The following SORCS1 variants were observed in gnomAD, a reference collection of about 807,000 sequenced individuals.
SORCS1 encodes sortilin related VPS10 domain containing receptor 1, also known as VPS10 domain-containing receptor SorCS1.
Under a neutral mutation model 146.1 loss-of-function variants are expected in SORCS1, and 60 were observed. That is an observed-to-expected ratio of 0.41 (90% CI 0.33 to 0.51). SORCS1 has a LOEUF of 0.51. Among genes scored for constraint, SORCS1 ranks in the 20% least tolerant of loss-of-function variants. The pLI is 0.21. For missense variants in SORCS1, 1,352 were observed against 1,487.6 expected (o/e 0.91, Z 1.50); for synonymous variants, 637 against 584.0 (o/e 1.09, Z -1.31).
At chr10:106,674,374 A>C (rs1851867106) in intron 14 of SORCS1, among the ~76,000 whole-genome samples, 1 of 134,830 alleles carries the variant, frequency 7.4e-6, no homozygotes, top group African/African-American at 2.8e-5. Context: ...GTGGTAGGGG[A>C]GAGAATTAGC....
At chr10:106,652,319 C>A in intron 18 of SORCS1, 63 bp downstream of exon 18, 16 of 1,435,592 alleles carry the variant, frequency 1.1e-5, no homozygotes, top group East Asian at 7.3e-5. Context: ...GAAACAAAAC[C>A]ATGGTTTATT....
chr10:107,165,292 A>AGT (rs3982278), upstream of SORCS1, among the ~76,000 whole-genome samples: 48,117 of 142,566 alleles, frequency 0.34, 9,289 homozygotes, highest in Middle Eastern at 0.52. This position sits in a 1 kb window ranked among gnomAD's most constrained non-coding sequence, Gnocchi z 4.0. Flanking sequence ...CTCGTGTGTG[A>AGT]GTGTGTGTGT....
At position 106,956,534 on chromosome 10, in the gene SORCS1, A is replaced by T. The variant is rs1310657644; in HGVS notation, c.605T>A (p.Ile202Asn). Residue 202 changes from isoleucine (I) to asparagine (N), a missense_variant, in exon 2 of 26, where the codon ATC becomes AAC. Transcript: ENST00000263054. ...TKLYDYNLGS[I>N]TESSLWRSTD... ...ATACCTCCAAAGCGAGCTCTCTGTG[A>T]TGCTCCCCAGGTTATAGTCATAGAG... The T allele has an allele frequency of 1.2e-6, 2 of 1,614,146 alleles. No homozygotes were observed. The highest frequency in any genetic ancestry group is 1.7e-6 in the Non-Finnish European group (2 of 1,180,012).
At chr10:107,026,345 C>T (rs372585156) in intron 1 of SORCS1, among the ~76,000 whole-genome samples, 13 of 152,260 alleles carry the variant, frequency 8.5e-5, no homozygotes, top group African/African-American at 3.1e-4. Flanking sequence ...TTTGGCCGGG[C>T]ATGGTGGCTC....
chr10:107,034,686 A>AAAAAAC (rs1212326538), intron 1 of SORCS1, among the ~76,000 whole-genome samples: 5 of 139,584 alleles, frequency 3.6e-5, no homozygotes, highest in Admixed American at 7.4e-5. Context: ...ATCTCAAAAA[A>AAAAAAC]AAAAAAAAAA....
At chr10:106,790,033 C>A (rs548706346) in intron 3 of SORCS1, among the ~76,000 whole-genome samples, 1 of 152,162 alleles carries the variant, frequency 6.6e-6, no homozygotes. Context: ...TAGTTAGGGT[C>A]GGGTGGGGAC....
chr10:106,665,836 T>TTTGG (rs1851092304), intron 17 of SORCS1, among the ~76,000 whole-genome samples: 1 of 152,044 alleles, frequency 6.6e-6, no homozygotes, highest in South Asian at 2.1e-4. Flanking sequence ...TCTGTGGGTT[T>TTTGG]TTTGTTTGTT....
chr10:107,112,039 T>G (rs916587169), intron 1 of SORCS1, among the ~76,000 whole-genome samples: 4 of 152,134 alleles, frequency 2.6e-5, no homozygotes, highest in African/African-American at 9.7e-5. Flanking sequence ...TGTAACAACA[T>G]GAAAACATAT....
intron 1 of SORCS1, among the ~76,000 whole-genome samples, chr10:107,005,093 T>C (rs998182911): frequency 1.2e-4 from 18 of 152,114 alleles, no homozygotes; most frequent in Non-Finnish European, 2.9e-5. Flanking sequence ...CAATCAACTC[T>C]AAGGAAATAA....
At chr10:107,166,750 A>G (rs1428113887), upstream of SORCS1, among the ~76,000 whole-genome samples, 3 of 152,240 alleles carry the variant, frequency 2.0e-5, no homozygotes, top group Admixed American at 2.0e-4. Context: ...GGATAAGTAC[A>G]TGGGAATTCC....
rs1318725743 is a variant in SORCS1 at position 106,972,151 on chromosome 10, GC to G, written c.559-15572del. Among the ~76,000 whole-genome samples the G allele has an allele frequency of 3.3e-5, 5 of 152,116 alleles. No homozygotes were observed. The East Asian group carries it at 9.6e-4, about 29-fold the overall frequency. On this transcript the variant is annotated intron_variant, in intron 1 of 25. Transcript: ENST00000263054. The stretch of plus-strand genomic sequence containing the variant: ...AATCCCAGCACTTTGAGAAGCTGAG[GC>G]AGGTGGATCACCAGAGGTCAGGAGT...
chr10:106,812,598 A>T (rs1248191184), intron 3 of SORCS1, among the ~76,000 whole-genome samples: 1 of 152,176 alleles, frequency 6.6e-6, no homozygotes, highest in Non-Finnish European at 1.5e-5. Context: ...TTCTTTTATA[A>T]ATCTGATATA....
chr10:106,984,471 G>A (rs1956375351), intron 1 of SORCS1, among the ~76,000 whole-genome samples: 1 of 147,230 alleles, frequency 6.8e-6, no homozygotes, highest in Non-Finnish European at 1.5e-5. Context: ...TCGGCTCACT[G>A]CAAGCTCCAC....
intron 18 of SORCS1, among the ~76,000 whole-genome samples, chr10:106,639,215 G>A (rs996789583): frequency 5.9e-5 from 9 of 152,188 alleles, no homozygotes; most frequent in African/African-American, 2.2e-4. Flanking sequence ...AGGATTGCAT[G>A]GTGTGGTGAA....
intron 1 of SORCS1, among the ~76,000 whole-genome samples, chr10:107,118,104 A>G (rs2134512723): frequency 6.6e-6 from 1 of 152,262 alleles, no homozygotes; most frequent in South Asian, 2.1e-4. Context: ...TGGGGCCTAC[A>G]GGAGGTGTAT....
At chr10:106,997,264 T>G (rs1957040180) in intron 1 of SORCS1, among the ~76,000 whole-genome samples, 1 of 152,126 alleles carries the variant, frequency 6.6e-6, no homozygotes, top group South Asian at 2.1e-4. Context: ...ACTCCGCCTG[T>G]CCCCTGAGCC....
intron 15 of SORCS1, among the ~76,000 whole-genome samples, chr10:106,672,232 C>A (rs996661630): frequency 1.3e-5 from 2 of 152,146 alleles, no homozygotes. Context: ...GGTACTTCTA[C>A]CAAATCCTTT....
chr10:106,701,756 C>T (rs956012343), intron 8 of SORCS1, among the ~76,000 whole-genome samples: 1 of 152,186 alleles, frequency 6.6e-6, no homozygotes, highest in Non-Finnish European at 1.5e-5. Context: ...CAAATCTTGG[C>T]TCTATAACTT....
chr10:107,130,641 C>A (rs1437932907), intron 1 of SORCS1, among the ~76,000 whole-genome samples: 3 of 152,118 alleles, frequency 2.0e-5, no homozygotes, highest in Non-Finnish European at 4.4e-5. Flanking sequence ...TAGAATCTAA[C>A]ATCTTTTGTT....
Sources: allele counts gnomAD v4.1 joint callset (sites outside exome capture counted in the v4.1 genomes callset), GRCh38; gene constraint gnomAD v4.1.1; non-coding constraint Gnocchi (gnomAD v3.1); transcripts MANE v1.5; gene names NCBI Gene and HGNC (gene_info 2026-07-23, HGNC 2026-07-21).